ARB2A: variants seen among roughly 807,000 people sequenced by gnomAD.
ARB2A encodes cotranscriptional regulator ARB2A.
the ARB2A span, among the ~76,000 whole-genome samples, chr5:93,857,222 G>C: frequency 6.6e-6 from 1 of 152,130 alleles, no homozygotes; most frequent in Admixed American, 6.5e-5. Flanking sequence ...TAGGCTGCTC[G>C]GGGGTCAGGA....
chr5:93,917,839 C>T, the ARB2A span, among the ~76,000 whole-genome samples: 1 of 152,144 alleles, frequency 6.6e-6, no homozygotes, highest in Non-Finnish European at 1.5e-5. Flanking sequence ...GATTGCACCA[C>T]TGCACTCAAG....
the ARB2A span, among the ~76,000 whole-genome samples, chr5:93,701,321 C>A: frequency 6.6e-6 from 1 of 152,240 alleles, no homozygotes; most frequent in Non-Finnish European, 1.5e-5. Flanking sequence ...TTTCAATACG[C>A]CCATACATAT....
the ARB2A span, among the ~76,000 whole-genome samples, chr5:94,011,994 T>G: frequency 5.7e-5 from 7 of 122,780 alleles, no homozygotes; most frequent in Non-Finnish European, 1.2e-4. Flanking sequence ...AGCGTTCAGA[T>G]AGGTAAAGGG....
the ARB2A span, among the ~76,000 whole-genome samples, chr5:94,062,564 T>C: frequency 2.0e-5 from 3 of 152,054 alleles, no homozygotes; most frequent in Non-Finnish European, 4.4e-5. Context: ...CCTGCAATCC[T>C]AGCCATGCAA....
At chr5:94,055,037 C>A in the ARB2A span, among the ~76,000 whole-genome samples, 1 of 152,082 alleles carries the variant, frequency 6.6e-6, no homozygotes, top group Non-Finnish European at 1.5e-5. Context: ...CTGTACCAGC[C>A]CTAGAATCAG....
chr5:93,623,926 A>G, the ARB2A span, among the ~76,000 whole-genome samples: 1 of 152,178 alleles, frequency 6.6e-6, no homozygotes, highest in African/African-American at 2.4e-5. Context: ...TTACATGTCT[A>G]ACTTGGACTG....
the ARB2A span, among the ~76,000 whole-genome samples, chr5:93,814,660 G>T: frequency 2.0e-5 from 3 of 152,072 alleles, no homozygotes; most frequent in Non-Finnish European, 4.4e-5. Flanking sequence ...GTTTAAAAAT[G>T]TTTCCTATTT....
the ARB2A span, chr5:93,862,861 A>T: frequency 6.6e-6 from 1 of 152,244 alleles, no homozygotes; most frequent in South Asian, 2.1e-4. Flanking sequence ...ATTATGAAAG[A>T]AATATTTCCT....
At chr5:93,904,719 T>A in the ARB2A span, among the ~76,000 whole-genome samples, 1 of 151,742 alleles carries the variant, frequency 6.6e-6, no homozygotes, top group Non-Finnish European at 1.5e-5. Flanking sequence ...CAATCCCATT[T>A]AGAAATGGGA....
At chr5:94,098,150 C>T in the ARB2A span, among the ~76,000 whole-genome samples, 4 of 152,190 alleles carry the variant, frequency 2.6e-5, no homozygotes, top group African/African-American at 9.6e-5. Flanking sequence ...AACAGTCAAA[C>T]CCTCAAAGGC....
the ARB2A span, among the ~76,000 whole-genome samples, chr5:93,906,576 T>C: frequency 1.3e-5 from 2 of 151,554 alleles, no homozygotes; most frequent in African/African-American, 4.8e-5. Flanking sequence ...TTTGTTTTTA[T>C]CCTAATTTTG....
chr5:93,862,661 T>C, the ARB2A span: 1 of 152,262 alleles, frequency 6.6e-6, no homozygotes, highest in Non-Finnish European at 1.5e-5. Context: ...CCCATGCACA[T>C]GCATGTCTTT....
At chr5:93,662,900 C>G in the ARB2A span, among the ~76,000 whole-genome samples, 1 of 152,270 alleles carries the variant, frequency 6.6e-6, no homozygotes, top group Admixed American at 6.5e-5. Context: ...CTGGGAAGTC[C>G]AAAATCAAGG....
chr5:93,714,110 TATCTGTAAC>T, the ARB2A span, among the ~76,000 whole-genome samples: 1 of 152,240 alleles, frequency 6.6e-6, no homozygotes, highest in Non-Finnish European at 1.5e-5. Flanking sequence ...GTCTAAAAGG[TATCTGTAAC>T]ATCTGTAACA....
the ARB2A span, among the ~76,000 whole-genome samples, chr5:93,651,001 A>T: frequency 6.6e-6 from 1 of 152,180 alleles, no homozygotes; most frequent in East Asian, 1.9e-4. Flanking sequence ...TAGAAAAAAC[A>T]AAACCAAAAA....
At chr5:93,645,503 G>A in the ARB2A span, among the ~76,000 whole-genome samples, 1 of 151,794 alleles carries the variant, frequency 6.6e-6, no homozygotes, top group Non-Finnish European at 1.5e-5. Flanking sequence ...GAACCCAGGA[G>A]GTGGAGGTTG....
At chr5:93,808,955 T>G in the ARB2A span, among the ~76,000 whole-genome samples, 1 of 152,052 alleles carries the variant, frequency 6.6e-6, no homozygotes, top group African/African-American at 2.4e-5. Flanking sequence ...ATAAGAAAAC[T>G]GTAAATATCT....
the ARB2A span, among the ~76,000 whole-genome samples, chr5:93,654,002 A>G: frequency 6.6e-6 from 1 of 152,232 alleles, no homozygotes; most frequent in Non-Finnish European, 1.5e-5. Context: ...AAAATAATTT[A>G]GTTCCGTTCA....
the ARB2A span, among the ~76,000 whole-genome samples, chr5:93,817,375 C>G: frequency 1.3e-5 from 2 of 152,108 alleles, no homozygotes; most frequent in Non-Finnish European, 2.9e-5. Flanking sequence ...GATTAGAAGA[C>G]TTAAGATTGT....
Sources: allele counts gnomAD v4.1 joint callset (sites outside exome capture counted in the v4.1 genomes callset), GRCh38; gene constraint gnomAD v4.1.1; transcripts MANE v1.5; gene names NCBI Gene and HGNC (gene_info 2026-07-23, HGNC 2026-07-21).